DAB1: variants seen among roughly 807,000 people sequenced by gnomAD.
DAB1 encodes the protein DAB adaptor protein 1.
DAB1 carries 15 observed loss-of-function variants against 64.6 expected under a neutral mutation model. The observed-to-expected ratio is 0.23, with a 90% CI of 0.16 to 0.36. The LOEUF (loss-of-function observed/expected upper bound fraction) is 0.36, where lower values mean the gene tolerates loss of function less well. DAB1 is among the 10% of genes least tolerant of loss of function. DAB1 has a pLI of 1.00. For synonymous variants in DAB1, 235 were observed against 251.9 expected, an observed-to-expected ratio of 0.93 and a Z score of 0.64; for missense variants, 596 against 706.7, an observed-to-expected ratio of 0.84 and a Z score of 1.78.
intron 4 of DAB1, among the ~76,000 whole-genome samples, chr1:58,305,800 A>G (rs1662292048): frequency 6.6e-6 from 1 of 152,212 alleles, no homozygotes; most frequent in African/African-American, 2.4e-5. Flanking sequence ...AAACATCTCA[A>G]AATCACCAAT....
chr1:57,692,815 G>A (rs987938264), intron 6 of DAB1, among the ~76,000 whole-genome samples: 2 of 152,138 alleles, frequency 1.3e-5, no homozygotes, highest in Non-Finnish European at 2.9e-5. Flanking sequence ...CACCTTCTTA[G>A]GGGAAGAGTG....
chr1:57,509,791 C>T (rs904367800), intron 7 of DAB1, among the ~76,000 whole-genome samples: 3 of 152,144 alleles, frequency 2.0e-5, no homozygotes, highest in Non-Finnish European at 4.4e-5. Flanking sequence ...CAGTTCTTTA[C>T]ACATAATCTC....
intron 5 of DAB1, among the ~76,000 whole-genome samples, chr1:58,037,620 C>G (rs1398804963): frequency 6.6e-6 from 1 of 152,168 alleles, no homozygotes; most frequent in Non-Finnish European, 1.5e-5. Flanking sequence ...CATCCCAAAA[C>G]CATCCCCACC....
intron 3 of DAB1, among the ~76,000 whole-genome samples, chr1:58,440,806 A>C (rs1325094534): frequency 6.6e-6 from 1 of 152,206 alleles, no homozygotes. Context: ...ATCTTGGACT[A>C]ACCAACCAGA....
At chr1:58,377,797 C>CCT (rs1644343625) in intron 3 of DAB1, among the ~76,000 whole-genome samples, 1 of 139,248 alleles carries the variant, frequency 7.2e-6, no homozygotes, top group Non-Finnish European at 1.6e-5. Flanking sequence ...TTCCATTCTC[C>CCT]GCATCACTTT....
chr1:57,323,764 T>G (rs1675922205), intron 1 of DAB1, among the ~76,000 whole-genome samples: 1 of 152,118 alleles, frequency 6.6e-6, no homozygotes, highest in Non-Finnish European at 1.5e-5. Flanking sequence ...AAGCACAGAC[T>G]CCGGTAAGGA....
chr1:57,582,068 T>C (rs1645319705), intron 7 of DAB1, among the ~76,000 whole-genome samples: 1 of 152,194 alleles, frequency 6.6e-6, no homozygotes, highest in Admixed American at 6.5e-5. Flanking sequence ...GGTCTCTTCC[T>C]ACTCTTAAAA....
At chr1:57,308,423 G>T (rs940388378) in intron 1 of DAB1, among the ~76,000 whole-genome samples, 1 of 152,054 alleles carries the variant, frequency 6.6e-6, no homozygotes, top group Non-Finnish European at 1.5e-5. Context: ...AAAAAAACTG[G>T]TATATCAAAT....
intron 2 of DAB1, among the ~76,000 whole-genome samples, chr1:57,195,964 A>G (rs1263312745): frequency 6.6e-6 from 1 of 152,210 alleles, no homozygotes; most frequent in East Asian, 1.9e-4. Flanking sequence ...GTATGAATTT[A>G]TAGATAAATT....
chr1:58,493,116 G>A (rs866610596), intron 3 of DAB1, among the ~76,000 whole-genome samples: 7 of 151,920 alleles, frequency 4.6e-5, no homozygotes, highest in South Asian at 4.2e-4. Flanking sequence ...TTCAACATAC[G>A]CAAATCAATA....
Position 57,470,077 on chromosome 1 carries a change from G to T in DAB1, n.626-178911C>A, listed in dbSNP as rs557813137. Among the ~76,000 whole-genome samples the T allele has an allele frequency of 8.5e-4, 129 of 152,124 alleles. 1 individual carries two copies. Among genetic ancestry groups the T allele is most frequent in the Non-Finnish European group, 6.5e-4 (44 of 68,026 alleles). ...CGAGGATGAAAGAACACTGGACTTG[G>T]ACTCAAGATTTGCTATTTCTTATCT... On this transcript the variant is annotated intron_variant and non_coding_transcript_variant, in intron 7 of 20. Transcript: ENST00000485760.
intron 1 of DAB1, among the ~76,000 whole-genome samples, chr1:57,341,678 C>T (rs1269694679): frequency 6.6e-6 from 1 of 152,096 alleles, no homozygotes; most frequent in Non-Finnish European, 1.5e-5. Flanking sequence ...AATTTAAACT[C>T]TTTTAGAACA....
intron 5 of DAB1, among the ~76,000 whole-genome samples, chr1:58,059,887 G>C (rs1274590469): frequency 1.3e-5 from 2 of 152,244 alleles, no homozygotes; most frequent in Non-Finnish European, 2.9e-5. Flanking sequence ...TCTGACTCCA[G>C]AGGCTACACT....
intron 3 of DAB1, among the ~76,000 whole-genome samples, chr1:58,457,926 T>C (rs1028054684): frequency 6.6e-6 from 1 of 152,230 alleles, no homozygotes; most frequent in Non-Finnish European, 1.5e-5. Flanking sequence ...GGCTGATAGA[T>C]GCTATTTATT....
intron 4 of DAB1, among the ~76,000 whole-genome samples, chr1:57,072,802 G>A (rs538796195): frequency 2.4e-4 from 37 of 152,294 alleles, no homozygotes; most frequent in African/African-American, 7.7e-4. Flanking sequence ...GTGTGCTGTG[G>A]TGGAGGAGCT....
At chr1:57,781,027 G>A (rs989838353) in intron 6 of DAB1, among the ~76,000 whole-genome samples, 2 of 146,424 alleles carry the variant, frequency 1.4e-5, no homozygotes, top group Admixed American at 6.8e-5. Flanking sequence ...CGCCCCTGGC[G>A]TTTTGTATTA....
chr1:58,197,494 C>A (rs865851450), intron 4 of DAB1, among the ~76,000 whole-genome samples: 2 of 151,302 alleles, frequency 1.3e-5, no homozygotes, highest in African/African-American at 2.4e-5. Flanking sequence ...CCATCTCAAG[C>A]GGTTCTCCTG....
chr1:58,495,375 A>G (rs1238687527), intron 3 of DAB1, among the ~76,000 whole-genome samples: 2 of 152,076 alleles, frequency 1.3e-5, no homozygotes, highest in Non-Finnish European at 2.9e-5. Context: ...TATATGTAAC[A>G]CACCTGCATG....
intron 4 of DAB1, among the ~76,000 whole-genome samples, chr1:58,327,021 A>G (rs1014028208): frequency 5.9e-5 from 9 of 152,274 alleles, no homozygotes; most frequent in Non-Finnish European, 1.0e-4. Flanking sequence ...TCTGAAAACC[A>G]TAAGTATTGA....
Sources: gnomAD v4.1 joint callset for allele counts (sites outside exome capture counted in the v4.1 genomes callset) on GRCh38, gnomAD v4.1.1 for gene constraint, MANE v1.5 for transcripts, NCBI Gene and HGNC (gene_info 2026-07-23, HGNC 2026-07-21) for gene names.